The following KANK1 variants were observed in gnomAD, a reference collection of about 807,000 sequenced individuals.
The protein encoded by KANK1 is KN motif and ankyrin repeat domain-containing protein 1.
Under a neutral mutation model 106.2 loss-of-function variants are expected in KANK1, and 109 were observed. The ratio of observed to expected loss-of-function variants is 1.03; its 90% CI spans 0.88 to 1.20. The LOEUF is 1.20. Among genes scored for constraint, KANK1 ranks in the 50% most tolerant of loss-of-function variants. KANK1 has a pLI of 0.00. For missense variants in KANK1, 2,399 were observed against 1,710.7 expected (o/e 1.40, Z -7.10); for synonymous variants, 873 against 652.2 (o/e 1.34, Z -5.16).
Position 711,146 on chromosome 9 carries a change from C to T in KANK1, c.380C>T (p.Thr127Ile), listed in dbSNP as rs772924297. The T allele has an allele frequency of 1.2e-5, 20 of 1,614,072 alleles. No homozygotes were observed. In the Admixed American group the frequency reaches 3.3e-4, roughly 27 times the overall value. The change falls in exon 3 of 12, where the codon ACC (threonine) becomes ATC (isoleucine). Residue 127 changes from threonine (T) to isoleucine (I), a missense_variant. Thr to Ile is a moderately conservative substitution (Grantham distance 89). Transcript: ENST00000382297. ...TCAAAGCCACCTCCCCCTCTGGAGACCTCACTCCCTTTTCTTACCATCCCA... is the reference window on the plus strand; with the variant it reads ...TCAAAGCCACCTCCCCCTCTGGAGATCTCACTCCCTTTTCTTACCATCCCA... ...PISKPPPPLE[T>I]SLPFLTIPEN...
At chr9:635,694 C>CTTTTTTTTTTTTTTT (rs1162836319) in intron 1 of KANK1, among the ~76,000 whole-genome samples, 6 of 103,374 alleles carry the variant, frequency 5.8e-5, no homozygotes, top group African/African-American at 7.7e-5. Context: ...CCTTTTTATT[C>CTTTTTTTTTTTTTTT]TTTTTTTTTT....
intron 1 of KANK1, among the ~76,000 whole-genome samples, chr9:582,791 A>G (rs756917710): frequency 1.3e-5 from 2 of 152,260 alleles, no homozygotes; most frequent in Admixed American, 1.3e-4. Flanking sequence ...CAAGCTGTAC[A>G]TAAAATATTT....
At position 634,460 on chromosome 9, in the gene KANK1, A is replaced by T. The variant is rs148306026; in HGVS notation, c.-83-42430A>T. Among the ~76,000 whole-genome samples, 4 of 152,292 alleles carry T rather than the reference A, an allele frequency of 2.6e-5. No homozygotes were observed. In the East Asian group the frequency reaches 5.8e-4, roughly 22 times the overall value. ...AGGTTCTATAGTAGTGATGTTATCT[A>T]TAGGAGCAATTGGGGAAGTCACAAA... On this transcript the variant is annotated intron_variant, in intron 1 of 11. Coordinates refer to ENST00000382297, the MANE Select transcript of KANK1 (RefSeq NM_015158.5).
chr9:531,354 C>G (rs1056681417), intron 1 of KANK1, among the ~76,000 whole-genome samples: 1 of 151,824 alleles, frequency 6.6e-6, no homozygotes, highest in Admixed American at 6.6e-5. Context: ...TTGCTTAAAC[C>G]CAGGAGGTGG....
intron 3 of KANK1, among the ~76,000 whole-genome samples, chr9:717,866 A>G (rs1020626830): frequency 5.3e-5 from 8 of 152,242 alleles, no homozygotes; most frequent in Admixed American, 1.3e-4. Flanking sequence ...AAACAAAACT[A>G]TAACAGTGGA....
intron 2 of KANK1, among the ~76,000 whole-genome samples, chr9:686,286 C>T (rs1818533476): frequency 6.6e-6 from 1 of 152,182 alleles, no homozygotes; most frequent in Non-Finnish European, 1.5e-5. Context: ...CTTTATTCAA[C>T]TCAGGGACGC....
chr9:732,852 T>C, intron 6 of KANK1: 1 of 365,326 alleles, frequency 2.7e-6, no homozygotes, highest in Non-Finnish European at 4.9e-6. Flanking sequence ...TTAACTCTGC[T>C]ATATAATTTA....
At chr9:629,762 G>T (rs1835229318) in intron 1 of KANK1, among the ~76,000 whole-genome samples, 2 of 152,146 alleles carry the variant, frequency 1.3e-5, no homozygotes, top group African/African-American at 2.4e-5. Flanking sequence ...GAGAGAATTG[G>T]CATAACAAAG....
chr9:602,067 T>G (rs146171642), intron 1 of KANK1, among the ~76,000 whole-genome samples: 1 of 151,994 alleles, frequency 6.6e-6, no homozygotes, highest in Non-Finnish European at 1.5e-5. Flanking sequence ...TCACTTAATG[T>G]TGAGTTGTTA....
chr9:651,618 T>A (rs776505381), intron 1 of KANK1, among the ~76,000 whole-genome samples: 4 of 152,326 alleles, frequency 2.6e-5, no homozygotes, highest in African/African-American at 4.8e-5. Flanking sequence ...CTCAACACAA[T>A]GATGTCTTCA....
At chr9:614,013 C>G (rs1192623022) in intron 1 of KANK1, among the ~76,000 whole-genome samples, 8 of 152,146 alleles carry the variant, frequency 5.3e-5, no homozygotes, top group Admixed American at 5.2e-4. Flanking sequence ...GCATAGCGCT[C>G]CAAGCATCTC....
intron 1 of KANK1, among the ~76,000 whole-genome samples, chr9:593,379 C>T (rs1036736627): frequency 6.6e-6 from 1 of 151,644 alleles, no homozygotes; most frequent in Admixed American, 6.6e-5. Flanking sequence ...CCTAATATAA[C>T]CACTGCTGAG....
chr9:580,904 G>A (rs1337304482), intron 1 of KANK1, among the ~76,000 whole-genome samples: 7 of 152,222 alleles, frequency 4.6e-5, no homozygotes, highest in African/African-American at 1.4e-4. Flanking sequence ...TGCAGGTCCC[G>A]AGCCTTGCCC....
rs755588537 is a variant in KANK1, at chr9:711,472, G to C, written c.706G>C (p.Gly236Arg). The C allele has an allele frequency of 6.2e-7, 1 of 1,614,110 alleles. No homozygotes were observed. Among genetic ancestry groups the C allele is most frequent in the Admixed American group, 1.7e-5 (1 of 60,026 alleles). Residue 236 changes from glycine to arginine, a missense_variant, in exon 3 of 12, where the codon GGG becomes CGG. Gly to Arg is a moderately radical substitution (Grantham distance 125, BLOSUM62 -2). Coordinates refer to ENST00000382297, the MANE Select transcript of KANK1 (RefSeq NM_015158.5). ...APAAPTTSSM[G>R]SSIRHSPLSS... is the part of the protein sequence containing the mutation. ...AGCTGCTCCCACCACTTCCTCCATG[G>C]GGAGCTCCATCCGCCACAGCCCCCT...
At chr9:571,677 C>T (rs117016326) in intron 1 of KANK1, among the ~76,000 whole-genome samples, 2 of 151,990 alleles carry the variant, frequency 1.3e-5, no homozygotes, top group Non-Finnish European at 2.9e-5. Flanking sequence ...AGAGACTTAA[C>T]AGTTTGGCTT....
At chr9:603,113 TA>T (rs1345631582) in intron 1 of KANK1, among the ~76,000 whole-genome samples, 1 of 151,614 alleles carries the variant, frequency 6.6e-6, no homozygotes, top group Non-Finnish European at 1.5e-5. Context: ...GATCTAAGAG[TA>T]GATTTATATC....
intron 9 of KANK1, 82 bp from the exon 10 acceptor site, chr9:742,123 C>CT: frequency 8.4e-7 from 1 of 1,196,076 alleles, no homozygotes; most frequent in Non-Finnish European, 1.2e-6. Flanking sequence ...ACTCTTCCCC[C>CT]TTTCCCTAGC....
chr9:641,724 C>T (rs1838484380), intron 1 of KANK1, among the ~76,000 whole-genome samples: 1 of 152,152 alleles, frequency 6.6e-6, no homozygotes, highest in Non-Finnish European at 1.5e-5. Context: ...TTTCTTGTAA[C>T]ACCTTTTCAT....
At chr9:631,112 T>G (rs141738597) in intron 1 of KANK1, among the ~76,000 whole-genome samples, 64 of 152,286 alleles carry the variant, frequency 4.2e-4, no homozygotes, top group African/African-American at 1.5e-3. Context: ...TATTGTTGTT[T>G]CTGTTCAGCG....
Sources: gnomAD v4.1 joint callset for allele counts (sites outside exome capture counted in the v4.1 genomes callset) on GRCh38, gnomAD v4.1.1 for gene constraint, MANE v1.5 for transcripts, NCBI Gene and HGNC (gene_info 2026-07-23, HGNC 2026-07-21) for gene names.